Variants in KAZN observed in about 807,000 individuals in gnomAD.
The protein encoded by KAZN is kazrin, periplakin interacting protein.
KAZN carries 40 observed loss-of-function variants against 87.4 expected under a neutral mutation model. That is an observed-to-expected ratio of 0.46 (90% CI 0.36 to 0.60). The LOEUF (loss-of-function observed/expected upper bound fraction) is 0.60, where lower values mean the gene tolerates loss of function less well. KAZN is among the 20% of genes least tolerant of loss of function. The pLI, the probability that KAZN is intolerant of heterozygous loss-of-function variation, is 0.00. For missense variants in KAZN, 898 were observed against 1,073.9 expected (o/e 0.84, Z 2.29); for synonymous variants, 466 against 458.3 (o/e 1.02, Z -0.22).
intron 2 of KAZN, among the ~76,000 whole-genome samples, chr1:14,994,212 C>G (rs953930115): frequency 2.6e-5 from 4 of 152,218 alleles, no homozygotes; most frequent in Admixed American, 2.6e-4. Context: ...GGCTGCAGGC[C>G]GTGGCCCTTG....
chr1:13,907,230 A>G lies in KAZN; in HGVS notation c.91+13474A>G, dbSNP rs78389405. On this transcript the variant is annotated intron_variant, in intron 1 of 16. Coordinates refer to the KAZN transcript ENST00000636203. ...TCCAGCACCACAGGGCACCCCCTCC[A>G]GGACTAGAGTCCCACTGAAGGCTGG... 4.0e-3 allele frequency among the ~76,000 whole-genome samples: 608 copies of G among 152,308 alleles called. 1 individual carries two copies. The highest frequency in any genetic ancestry group is 0.014 in the African/African-American group (566 of 41,572).
intron 1 of KAZN, among the ~76,000 whole-genome samples, chr1:14,908,860 C>A (rs939935344): frequency 3.3e-5 from 5 of 151,682 alleles, no homozygotes; most frequent in African/African-American, 4.8e-5. Flanking sequence ...ACTAAATATG[C>A]AAAAATTAGC....
At chr1:14,790,232 G>A (rs1382145425) in intron 1 of KAZN, among the ~76,000 whole-genome samples, 1 of 151,262 alleles carries the variant, frequency 6.6e-6, no homozygotes, top group African/African-American at 2.4e-5. Context: ...GGCTAGTCTT[G>A]AACTCCCGAC....
chr1:14,530,348 C>A (rs998453613), intron 2 of KAZN, among the ~76,000 whole-genome samples: 2 of 152,208 alleles, frequency 1.3e-5, no homozygotes, highest in African/African-American at 2.4e-5. Context: ...TCCGTCTCTG[C>A]CATCAGTGGA....
At chr1:14,064,482 G>A (rs539677337) in intron 1 of KAZN, among the ~76,000 whole-genome samples, 13 of 152,350 alleles carry the variant, frequency 8.5e-5, no homozygotes, top group Non-Finnish European at 1.9e-4. Flanking sequence ...CCTGCTTGGA[G>A]CCCATGCTGT....
At chr1:14,860,535 C>T (rs7516338) in intron 1 of KAZN, among the ~76,000 whole-genome samples, 51 of 152,174 alleles carry the variant, frequency 3.4e-4, no homozygotes, top group African/African-American at 1.2e-3. Flanking sequence ...CTTTCTGGCA[C>T]TGTGGTCAGA....
At chr1:14,067,324 G>A (rs896459790) in intron 1 of KAZN, among the ~76,000 whole-genome samples, 1 of 152,080 alleles carries the variant, frequency 6.6e-6, no homozygotes, top group Admixed American at 6.5e-5. Context: ...GACATAGAAT[G>A]GGAAACTTTC....
At chr1:13,921,808 T>C (rs1393768780) in intron 1 of KAZN, among the ~76,000 whole-genome samples, 1 of 152,036 alleles carries the variant, frequency 6.6e-6, no homozygotes, top group Non-Finnish European at 1.5e-5. Context: ...ATGTTTTGTA[T>C]TTTTAGTAGA....
chr1:14,787,211 G>C (rs1455172821), intron 1 of KAZN, among the ~76,000 whole-genome samples: 1 of 152,174 alleles, frequency 6.6e-6, no homozygotes, highest in Non-Finnish European at 1.5e-5. Context: ...CGTATGCATT[G>C]CATTTCACAT....
At chr1:14,465,026 T>A (rs1668043212) in intron 2 of KAZN, among the ~76,000 whole-genome samples, 1 of 152,126 alleles carries the variant, frequency 6.6e-6, no homozygotes, top group South Asian at 2.1e-4. Flanking sequence ...TAGGTGAACA[T>A]TTTTTCTGTC....
At chr1:14,556,482 C>T (rs1010976412) in intron 2 of KAZN, among the ~76,000 whole-genome samples, 1 of 152,092 alleles carries the variant, frequency 6.6e-6, no homozygotes, top group Non-Finnish European at 1.5e-5. Flanking sequence ...TAGACAGGGA[C>T]TCATGGAGGT....
chr1:14,171,928 T>C (rs1645962418), intron 1 of KAZN, among the ~76,000 whole-genome samples: 1 of 152,234 alleles, frequency 6.6e-6, no homozygotes, highest in Non-Finnish European at 1.5e-5. Context: ...ATGTGTATCT[T>C]CTATTTTTGC....
intron 8 of KAZN, among the ~76,000 whole-genome samples, chr1:15,071,789 G>A (rs564897530): frequency 4.4e-4 from 67 of 152,290 alleles, no homozygotes; most frequent in African/African-American, 1.2e-3. Context: ...GCCTTGTGAC[G>A]TTGCCAGGCT....
Position 14,733,497 on chromosome 1 carries a change from G to A in KAZN, c.226+134274G>A, listed in dbSNP as rs573904971. Among the ~76,000 whole-genome samples the A allele has an allele frequency of 5.9e-5, 9 of 152,304 alleles. 1 individual carries two copies. Among genetic ancestry groups the A allele is most frequent in the South Asian group, 2.1e-4 (1 of 4,830 alleles). On this transcript the variant is annotated intron_variant, in intron 1 of 14. Coordinates refer to ENST00000376030, the MANE Select transcript of KAZN (RefSeq NM_201628.3). ...GACCGTGGCAGTGCAGCCTCGTGCC[G>A]TAGGGTGGGACCTCCTGGAGCCTTC...
intron 4 of KAZN, among the ~76,000 whole-genome samples, chr1:15,044,366 T>C (rs976759569): frequency 6.6e-6 from 1 of 152,148 alleles, no homozygotes; most frequent in Non-Finnish European, 1.5e-5. Context: ...CCCCAGAGAC[T>C]GGGCCAGCCT....
intron 2 of KAZN, among the ~76,000 whole-genome samples, chr1:15,003,917 T>C (rs1320453656): frequency 1.3e-5 from 2 of 152,136 alleles, no homozygotes; most frequent in African/African-American, 4.8e-5. Flanking sequence ...CCTGTTCAGC[T>C]CCAGGGGCTG....
chr1:14,315,028 C>A (rs1591855), intron 2 of KAZN, among the ~76,000 whole-genome samples: 10,713 of 152,192 alleles, frequency 0.07, 522 homozygotes, highest in Non-Finnish European at 0.11. Flanking sequence ...TGAATACATG[C>A]CATTCTATGG....
intron 1 of KAZN, among the ~76,000 whole-genome samples, chr1:14,763,577 T>C (rs1265654293): frequency 6.6e-6 from 1 of 152,186 alleles, no homozygotes; most frequent in Non-Finnish European, 1.5e-5. Context: ...TCAATTGCAG[T>C]GAGCTCGGAA....
At chr1:15,080,821 G>T (rs1191030009) in intron 8 of KAZN, among the ~76,000 whole-genome samples, 1 of 152,206 alleles carries the variant, frequency 6.6e-6, no homozygotes, top group Non-Finnish European at 1.5e-5. Flanking sequence ...GTAGAAGGGA[G>T]TAGGACCCTC....
Sources: allele counts gnomAD v4.1 joint callset (sites outside exome capture counted in the v4.1 genomes callset), GRCh38; gene constraint gnomAD v4.1.1; transcripts MANE v1.5; gene names NCBI Gene and HGNC (gene_info 2026-07-23, HGNC 2026-07-21).